OR2B3: variants seen among roughly 807,000 people sequenced by gnomAD.
The protein encoded by OR2B3 is olfactory receptor family 2 subfamily B member 3.
For missense variants in OR2B3, 341 were observed against 374.8 expected (o/e 0.91, Z 0.74); for synonymous variants, 123 against 133.8 (o/e 0.92, Z 0.56).
In OR2B3 at chr6:29,087,142, G is replaced by T. The variant is rs765965899; in HGVS notation, c.107C>A (p.Thr36Lys). Residue 36 changes from threonine (T) to lysine (K), a missense_variant, in exon 1 of 1, where the codon ACA becomes AAA. Transcript: ENST00000377173. Reference protein sequence around the residue: ...PLFVVLLISYTITIFGNVSIM... With the variant: ...PLFVVLLISYKITIFGNVSIM... ...GGACACATTGCCAAATATGGTGATT[G>T]TGTATGATATTAACAGGACCACAAA... The T allele has an allele frequency of 5.6e-6, 9 of 1,614,084 alleles. No homozygotes were observed. Among genetic ancestry groups the T allele is most frequent in the Non-Finnish European group, 7.6e-6 (9 of 1,179,948 alleles).
chr6:29,086,607 G>A lies in OR2B3; in HGVS notation c.642C>T (p.Ile214=), dbSNP rs267600932. ...GAGCTATGAAGCCATAGGAGATGAGGATCAATGTCACTGGAATTAGAAGAA... is the reference window on the plus strand; with the variant it reads ...GAGCTATGAAGCCATAGGAGATGAGAATCAATGTCACTGGAATTAGAAGAA... ...VLILLIPVTL[I]LISYGFIAQA... Residue 214 remains isoleucine (I), a synonymous_variant, in exon 1 of 1, where the codon ATC becomes ATT. Coordinates refer to ENST00000377173, the MANE Select transcript of OR2B3 (RefSeq NM_001005226.2). 6.2e-7 allele frequency: 1 copy of A among 1,614,142 alleles called. No individual in the cohort carries two copies.
Position 29,086,928 on chromosome 6 carries a change from TA to T in OR2B3, c.320del (p.Leu107GlnfsTer27). 6.2e-7 allele frequency: 1 copy of T among 1,614,210 alleles called. No homozygotes were observed. On this transcript the variant is annotated frameshift_variant, in exon 1 of 1. Coordinates refer to ENST00000377173, the MANE Select transcript of OR2B3 (RefSeq NM_001005226.2). LOFTEE classifies it low-confidence loss of function (END_TRUNC). ...CCAGAAGGAGACACTCTGTAGCACC[TA>T]GGGCCAGGAAGATGATGAGGTGGGC... ...CVAHLIIFLA[L>X]GATECLLLAV...
In OR2B3 at chr6:29,086,379, GT is replaced by G. The variant is rs1321801901; in HGVS notation, c.869del (p.Tyr290SerfsTer8). On this transcript the variant is annotated frameshift_variant, in exon 1 of 1. Coordinates refer to ENST00000377173, the MANE Select transcript of OR2B3 (RefSeq NM_001005226.2). LOFTEE classifies it low-confidence loss of function (END_TRUNC). ...CCTTCATATCTTTATTTCTAAGGCTGTAGATGAGGGAGTTCAACATGGATGT... is the reference window on the plus strand; with the variant it reads ...CCTTCATATCTTTATTTCTAAGGCTGAGATGAGGGAGTTCAACATGGATGT... ...IITSMLNSLI[Y>X]SLRNKDMKEA... The G allele has an allele frequency of 6.2e-7, 1 of 1,613,732 alleles. No homozygotes were observed. The highest frequency in any genetic ancestry group is 8.5e-7 in the Non-Finnish European group (1 of 1,179,868).
Position 29,086,617 on chromosome 6 carries a change from A to C in OR2B3, c.632T>G (p.Val211Gly). 6.2e-7 allele frequency: 1 copy of C among 1,614,162 alleles called. No homozygotes were observed. Among genetic ancestry groups the C allele is most frequent in the Non-Finnish European group, 8.5e-7 (1 of 1,179,996 alleles). Residue 211 changes from valine (V) to glycine (G), a missense_variant, in exon 1 of 1, where the codon GTG becomes GGG. Transcript: ENST00000377173. Reference sequence around the variant, plus strand: ...GCCATAGGAGATGAGGATCAATGTCACTGGAATTAGAAGAATTAGTACACT... The same window carrying C: ...GCCATAGGAGATGAGGATCAATGTCCCTGGAATTAGAAGAATTAGTACACT... ...FFSVLILLIP[V>G]TLILISYGFI... is the part of the protein sequence containing the mutation.
In OR2B3 at chr6:29,086,664, A is replaced by C; in HGVS notation, c.585T>G (p.Ile195Met). Residue 195 changes from isoleucine (I) to methionine (M), a missense_variant, in exon 1 of 1, where the codon ATT (isoleucine) becomes ATG (methionine). By Grantham distance (10) the Ile-to-Met change is conservative. Transcript: ENST00000377173. Reference sequence around the variant, plus strand: ...CACTAAAGAAGAAGAGCTCAGCCTCAATAGGCTTTGTGTCAGCACATGACA... The same window carrying C: ...CACTAAAGAAGAAGAGCTCAGCCTCCATAGGCTTTGTGTCAGCACATGACA... ...LKLSCADTKP[I>M]EAELFFFSVL... 6.2e-7 allele frequency: 1 copy of C among 1,614,152 alleles called. No individual in the cohort carries two copies. Among genetic ancestry groups the C allele is most frequent in the Non-Finnish European group, 8.5e-7 (1 of 1,179,998 alleles).
rs1760633235 is a variant in OR2B3 at position 29,086,845 on chromosome 6, A to C, written c.404T>G (p.Ile135Ser). ...AVCRPLHYVV[I>S]MNYWFCLRMA... Reference sequence around the variant, plus strand: ...CCTTAGGCAGAACCAATAATTCATGATGACTACATAGTGGAGGGGTCTGCA... The same window carrying C: ...CCTTAGGCAGAACCAATAATTCATGCTGACTACATAGTGGAGGGGTCTGCA... The change falls in exon 1 of 1, where the codon ATC becomes AGC. Residue 135 changes from isoleucine to serine, a missense_variant. Coordinates refer to ENST00000377173, the MANE Select transcript of OR2B3 (RefSeq NM_001005226.2). 8 of 1,614,206 alleles carry C rather than the reference A, an allele frequency of 5.0e-6. No homozygotes were observed. Among genetic ancestry groups the C allele is most frequent in the Non-Finnish European group, 6.8e-6 (8 of 1,180,030 alleles).
chr6:29,086,931 G>A lies in OR2B3; in HGVS notation c.318C>T (p.Ala106=). 6.2e-7 allele frequency: 1 copy of A among 1,614,222 alleles called. No homozygotes were observed. Among genetic ancestry groups the A allele is most frequent in the Non-Finnish European group, 8.5e-7 (1 of 1,180,038 alleles). ...GAAGGAGACACTCTGTAGCACCTAG[G>A]GCCAGGAAGATGATGAGGTGGGCCA... The part of the protein sequence containing the change: ...GCVAHLIIFL[A]LGATECLLLA... The change falls in exon 1 of 1, where the codon GCC becomes GCT. Residue 106 remains alanine, a synonymous_variant. Transcript: ENST00000377173.
Position 29,087,308 on chromosome 6 carries a change from GT to G in OR2B3, c.-61del, listed in dbSNP as rs1473588204. On this transcript the variant is annotated 5_prime_UTR_variant, in exon 1 of 1. Coordinates refer to ENST00000377173, the MANE Select transcript of OR2B3 (RefSeq NM_001005226.2). ...TAAGATAGGAAAGCAATCAATGTTT[GT>G]TTATTGAATACTCTTACTGGAGCTG... 1 of 1,075,046 alleles carries G rather than the reference GT, an allele frequency of 9.3e-7. No homozygotes were observed. Among genetic ancestry groups the G allele is most frequent in the Non-Finnish European group, 1.4e-6 (1 of 730,630 alleles). The allele number at this position is 1,075,046 out of a possible 1,614,324, so 66.6% of individuals were successfully genotyped here. A position where few individuals can be genotyped will look rare whatever the true frequency, so the allele number is the denominator to read the frequency against.
At position 29,086,431 on chromosome 6, in the gene OR2B3, A is replaced by G; in HGVS notation, c.818T>C (p.Met273Thr). 1.2e-6 allele frequency: 2 copies of G among 1,613,742 alleles called. No individual in the cohort carries two copies. The highest frequency in any genetic ancestry group is 1.1e-5 in the South Asian group (1 of 91,070). Residue 273 changes from methionine (M) to threonine (T), a missense_variant, in exon 1 of 1, where the codon ATG becomes ACG. Physicochemically the swap from Met to Thr is moderately conservative, Grantham distance 81. Transcript: ENST00000377173. ...PSSTSKDWGK[M>T]VSLFYGIITS... is the part of the protein sequence containing the mutation. ...GATGATTCCATAGAAGAGGGAAACC[A>G]TCTTTCCCCAGTCCTTAGAGGTGGA...
Position 29,086,529 on chromosome 6 carries a change from T to A in OR2B3, c.720A>T (p.Thr240=). ...ACACCACAATCATGTGGGACCCACATGTCCCAAATGCTTTTTGCCGTCCTT... is the reference window on the plus strand; with the variant it reads ...ACACCACAATCATGTGGGACCCACAAGTCCCAAATGCTTTTTGCCGTCCTT... ...SAEGRQKAFG[T]CGSHMIVVSL... Residue 240 remains threonine (T), a synonymous_variant, in exon 1 of 1, where the codon ACA becomes ACT. Coordinates refer to ENST00000377173, the MANE Select transcript of OR2B3 (RefSeq NM_001005226.2). 5 of 1,613,970 alleles carry A rather than the reference T, an allele frequency of 3.1e-6. No individual in the cohort carries two copies. Among genetic ancestry groups the A allele is most frequent in the Non-Finnish European group, 4.2e-6 (5 of 1,179,832 alleles).
Position 29,086,951 on chromosome 6 carries a change from G to A in OR2B3, c.298C>T (p.His100Tyr), listed in dbSNP as rs769173195. The change falls in exon 1 of 1, where the codon CAC becomes TAC. Residue 100 changes from histidine to tyrosine, a missense_variant. His to Tyr is a moderately conservative substitution (Grantham distance 83). Coordinates refer to ENST00000377173, the MANE Select transcript of OR2B3 (RefSeq NM_001005226.2). ...CCTAGGGCCAGGAAGATGATGAGGT[G>A]GGCCACACAGCCAGCATAGCTGATG... is the stretch of plus-strand genomic sequence containing the variant. ...KTISYAGCVA[H>Y]LIIFLALGAT... The A allele has an allele frequency of 1.2e-6, 2 of 1,614,236 alleles. No homozygotes were observed. Among genetic ancestry groups the A allele is most frequent in the South Asian group, 2.2e-5 (2 of 91,090 alleles).
Position 29,086,410 on chromosome 6 carries a change from A to G in OR2B3, c.839T>C (p.Ile280Thr). 6.2e-7 allele frequency: 1 copy of G among 1,613,994 alleles called. No individual in the cohort carries two copies. Among genetic ancestry groups the G allele is most frequent in the South Asian group, 1.1e-5 (1 of 91,072 alleles). ...GAGGGAGTTCAACATGGATGTGATG[A>G]TTCCATAGAAGAGGGAAACCATCTT... ...WGKMVSLFYG[I>T]ITSMLNSLIY... The change falls in exon 1 of 1, where the codon ATC becomes ACC. Residue 280 changes from isoleucine (I) to threonine (T), a missense_variant. Ile to Thr is a moderately conservative substitution (Grantham distance 89, BLOSUM62 -1). Coordinates refer to ENST00000377173, the MANE Select transcript of OR2B3 (RefSeq NM_001005226.2).
At position 29,086,525 on chromosome 6, in the gene OR2B3, C is replaced by T. The variant is rs755508365; in HGVS notation, c.724G>A (p.Gly242Arg). 6.2e-7 allele frequency: 1 copy of T among 1,613,902 alleles called. No individual in the cohort carries two copies. The highest frequency in any genetic ancestry group is 1.1e-5 in the South Asian group (1 of 91,070). Residue 242 changes from glycine to arginine, a missense_variant, in exon 1 of 1, where the codon GGG becomes AGG. Gly to Arg is a moderately radical substitution (Grantham distance 125, BLOSUM62 -2). Transcript: ENST00000377173. ...AGGGACACCACAATCATGTGGGACC[C>T]ACATGTCCCAAATGCTTTTTGCCGT... ...EGRQKAFGTC[G>R]SHMIVVSLFY...
Position 29,086,559 on chromosome 6 carries a change from T to C in OR2B3, c.690A>G (p.Ser230=), listed in dbSNP as rs779864408. The change falls in exon 1 of 1, where the codon TCA becomes TCG. Residue 230 remains serine (S), a synonymous_variant. Transcript: ENST00000377173. ...CAAATGCTTTTTGCCGTCCTTCTGC[T>C]GACCTGATTTTTAATACTGCTTGAG... ...FIAQAVLKIR[S]AEGRQKAFGT... The C allele has an allele frequency of 1.9e-6, 3 of 1,614,036 alleles. No homozygotes were observed. Among genetic ancestry groups the C allele is most frequent in the Non-Finnish European group, 2.5e-6 (3 of 1,180,006 alleles).
rs778173203 is a variant in OR2B3, at chr6:29,087,265, C to T, written c.-17G>A. 3.0e-5 allele frequency: 45 copies of T among 1,525,008 alleles called. No homozygotes were observed. The highest frequency in any genetic ancestry group is 3.7e-5 in the Admixed American group (2 of 53,884). 94.5% of individuals were successfully genotyped at this position (1,525,008 alleles called of 1,614,324 possible). ...CCAATTCATGATGACTCACTTATTT[C>T]GCACTCCTAAAAAAATGTAAGATAG... On this transcript the variant is annotated 5_prime_UTR_variant, in exon 1 of 1. Coordinates refer to ENST00000377173, the MANE Select transcript of OR2B3 (RefSeq NM_001005226.2).
rs544828270 is a variant in OR2B3 at position 29,086,811 on chromosome 6, G to T, written c.438C>A (p.Ala146=). The T allele has an allele frequency of 8.1e-6, 13 of 1,614,122 alleles. No homozygotes were observed. The East Asian group carries it at 2.2e-4, about 28-fold the overall frequency. Residue 146 remains alanine (A), a synonymous_variant, in exon 1 of 1, where the codon GCC becomes GCA. Coordinates refer to ENST00000377173, the MANE Select transcript of OR2B3 (RefSeq NM_001005226.2). The part of the protein sequence containing the change: ...MNYWFCLRMA[A]FSWLIGFGNS... ...TGCCGAAACCAATGAGCCATGAGAA[G>T]GCTGCCATCCTTAGGCAGAACCAAT...
rs764036840 is a variant in OR2B3 at position 29,086,918 on chromosome 6, CTG to C, written c.329_330del (p.Thr110ArgfsTer11). On this transcript the variant is annotated frameshift_variant, in exon 1 of 1. Transcript: ENST00000377173. LOFTEE classifies it low-confidence loss of function (END_TRUNC). ...HLIIFLALGA[T>X]ECLLLAVMSF... ...GACATAACAGCCAGAAGGAGACACT[CTG>C]TAGCACCTAGGGCCAGGAAGATGAT... 1 of 1,614,210 alleles carries C rather than the reference CTG, an allele frequency of 6.2e-7. No individual in the cohort carries two copies. Among genetic ancestry groups the C allele is most frequent in the South Asian group, 1.1e-5 (1 of 91,086 alleles).
Position 29,086,913 on chromosome 6 carries a change from A to G in OR2B3, c.336T>C (p.Cys112=). The part of the protein sequence containing the change: ...IIFLALGATE[C]LLLAVMSFDR... ...CAAAGGACATAACAGCCAGAAGGAG[A>G]CACTCTGTAGCACCTAGGGCCAGGA... Residue 112 remains cysteine (C), a synonymous_variant, in exon 1 of 1, where the codon TGT becomes TGC. Transcript: ENST00000377173. 1 of 1,614,230 alleles carries G rather than the reference A, an allele frequency of 6.2e-7. No homozygotes were observed.
rs775782850 is a variant in OR2B3, at chr6:29,087,209, G to C, written c.40C>G (p.Leu14Val). The C allele has an allele frequency of 1.9e-6, 3 of 1,613,244 alleles. No homozygotes were observed. The change falls in exon 1 of 1, where the codon CTA (leucine) becomes GTA (valine). Residue 14 changes from leucine (L) to valine (V), a missense_variant. By Grantham distance (32) the Leu-to-Val change is conservative. Transcript: ENST00000377173. ...CAAGCCCTATCTGAGAAGCCAAGTA[G>C]TATAAACTCTTTTGGGGAGCTCTCA... Reference protein sequence around the residue: ...ENESSPKEFILLGFSDRAWLQ... With the variant: ...ENESSPKEFIVLGFSDRAWLQ...
Sources: gnomAD v4.1 joint callset for allele counts on GRCh38, gnomAD v4.1.1 for gene constraint, MANE v1.5 for transcripts, NCBI Gene and HGNC (gene_info 2026-07-23, HGNC 2026-07-21) for gene names.